Variants in DNAH9 observed in about 807,000 individuals in gnomAD.
DNAH9 encodes the protein DNAH9 variant protein.
In DNAH9, 345 loss-of-function variants were observed where a neutral mutation model predicts 471.6. The observed-to-expected ratio is 0.73, with a 90% CI of 0.67 to 0.80. The LOEUF (loss-of-function observed/expected upper bound fraction) is 0.80. DNAH9 is among the 30% of genes least tolerant of loss of function. The probability of loss-of-function intolerance (pLI) is 0.00; values close to 1 mark genes in which losing one functional copy is unlikely to be tolerated. For missense variants in DNAH9, 5,407 were observed against 5,609.2 expected (o/e 0.96, Z 1.15); for synonymous variants, 2,093 against 2,123.6 (o/e 0.99, Z 0.40).
chr17:11,802,700 T>C (rs1321550568), intron 43 of DNAH9, among the ~76,000 whole-genome samples: 4 of 150,774 alleles, frequency 2.7e-5, no homozygotes, highest in Non-Finnish European at 5.9e-5. Context: ...AAGGAGACTG[T>C]GTGTGTGCCC....
intron 35 of DNAH9, among the ~76,000 whole-genome samples, chr17:11,760,202 A>G (rs1479849038): frequency 6.6e-6 from 1 of 152,208 alleles, no homozygotes; most frequent in African/African-American, 2.4e-5. Context: ...TAGTGCTGCA[A>G]TAAACATAAG....
At position 11,823,272 on chromosome 17, in the gene DNAH9, C is replaced by T. The variant is rs144999433; in HGVS notation, c.9246+238C>T. 4.5e-4 allele frequency among the ~76,000 whole-genome samples: 69 copies of T among 152,266 alleles called. 1 individual carries two copies. Among genetic ancestry groups the T allele is most frequent in the African/African-American group, 1.5e-3 (64 of 41,566 alleles). ...TCCTTGTCCATAGTAACAGTATCCT[C>T]ACCATCAGAAACAGTACCAAAAGTT... On this transcript the variant is annotated intron_variant, in intron 48 of 68. Transcript: ENST00000262442.
At chr17:11,733,426 C>T (rs968413489) in intron 28 of DNAH9, among the ~76,000 whole-genome samples, 1 of 152,220 alleles carries the variant, frequency 6.6e-6, no homozygotes, top group African/African-American at 2.4e-5. Flanking sequence ...CTGTGATCAG[C>T]AGCTTCCAGT....
intron 26 of DNAH9, among the ~76,000 whole-genome samples, chr17:11,706,887 A>T (rs1040204026): frequency 2.0e-5 from 3 of 152,218 alleles, no homozygotes; most frequent in African/African-American, 4.8e-5. Flanking sequence ...TTCCTGGAAG[A>T]GGGAGTTCCG....
At chr17:11,768,989 C>A in intron 37 of DNAH9, 133 bp from the exon 38 acceptor site, 1 of 904,888 alleles carries the variant, frequency 1.1e-6, no homozygotes, top group Non-Finnish European at 1.7e-6. Flanking sequence ...AGGGAAGATA[C>A]TCCTGACCGG....
At chr17:11,948,196 G>C (rs1343881264) in intron 67 of DNAH9, among the ~76,000 whole-genome samples, 3 of 150,464 alleles carry the variant, frequency 2.0e-5, no homozygotes, top group Non-Finnish European at 2.9e-5. Context: ...TTAAAGTCTG[G>C]CTTGCTGACT....
intron 41 of DNAH9, among the ~76,000 whole-genome samples, chr17:11,784,879 G>GAA (rs113090260): frequency 6.6e-6 from 1 of 151,814 alleles, no homozygotes; most frequent in African/African-American, 2.4e-5. Context: ...AAGAAAGAAA[G>GAA]AAAACTATTT....
intron 3 of DNAH9, among the ~76,000 whole-genome samples, chr17:11,611,082 C>T (rs947427340): frequency 2.1e-5 from 3 of 142,534 alleles, no homozygotes; most frequent in Non-Finnish European, 4.6e-5. Flanking sequence ...GCTTATTTGC[C>T]CTCCTCCTCC....
At chr17:11,732,454 C>A (rs1160367156) in intron 28 of DNAH9, among the ~76,000 whole-genome samples, 1 of 152,016 alleles carries the variant, frequency 6.6e-6, no homozygotes, top group Non-Finnish European at 1.5e-5. Flanking sequence ...CAGCTGCTGA[C>A]AGTTCTCCAC....
At chr17:11,703,693 A>T in intron 24 of DNAH9, among the ~76,000 whole-genome samples, 1 of 152,264 alleles carries the variant, frequency 6.6e-6, no homozygotes, top group East Asian at 1.9e-4. Flanking sequence ...ACTTAAAAAT[A>T]GGCACTTTAA....
chr17:11,647,176 T>G lies in DNAH9; in HGVS notation c.2075T>G (p.Ile692Ser). The change falls in exon 12 of 69, where the codon ATC (isoleucine) becomes AGC (serine). Residue 692 changes from isoleucine to serine, a missense_variant. Physicochemically the swap from Ile to Ser is moderately radical, Grantham distance 142. Transcript: ENST00000262442. ...AAACGTGACCCAGAGACGAAGGAGA[T>G]CACTATCAACTTTAACCCACAGGTC... ...LLKRDPETKE[I>S]TINFNPQLIS... The G allele has an allele frequency of 2.5e-6, 4 of 1,614,040 alleles. No individual in the cohort carries two copies. The highest frequency in any genetic ancestry group is 1.7e-5 in the Admixed American group (1 of 60,020).
At chr17:11,778,355 A>AAAAAAAAAAAAAAG (rs1968536113) in intron 38 of DNAH9, among the ~76,000 whole-genome samples, 1 of 138,150 alleles carries the variant, frequency 7.2e-6, no homozygotes, top group Non-Finnish European at 1.6e-5. Flanking sequence ...AAAAAAAAAA[A>AAAAAAAAAAAAAAG]AAAAAAAGAA....
At chr17:11,755,267 C>G (rs1487846773) in intron 33 of DNAH9, among the ~76,000 whole-genome samples, 2 of 152,042 alleles carry the variant, frequency 1.3e-5, no homozygotes, top group African/African-American at 4.8e-5. Flanking sequence ...ATGCCTCCAG[C>G]TTTGTTTTTT....
chr17:11,822,204 G>GT (rs1433075410), intron 46 of DNAH9, 142 bp downstream of exon 46: 55 of 1,094,984 alleles, frequency 5.0e-5, no homozygotes, highest in Non-Finnish European at 6.8e-5. Context: ...CCTGAGCACA[G>GT]TTGCCAGGAC....
intron 26 of DNAH9, among the ~76,000 whole-genome samples, chr17:11,715,805 G>A (rs1024737933): frequency 1.3e-5 from 2 of 152,058 alleles, no homozygotes; most frequent in East Asian, 3.9e-4. Context: ...TGAGTCTCAC[G>A]GACACTTCAT....
chr17:11,822,851 T>C lies in DNAH9; in HGVS notation c.9063T>C (p.Ser3021=). Residue 3021 remains serine, a synonymous_variant, in exon 48 of 69, where the codon AGT becomes AGC. Coordinates refer to ENST00000262442, the MANE Select transcript of DNAH9 (RefSeq NM_001372.4). ...ISKFMAFVHT[S]VNQTSQSYLS... is the part of the protein sequence containing the mutation. ...AATTCATGGCCTTTGTCCACACAAG[T>C]GTCAACCAAACATCCCAGTCTTATC... 1.9e-6 allele frequency: 3 copies of C among 1,614,220 alleles called. No homozygotes were observed. Among genetic ancestry groups the C allele is most frequent in the Admixed American group, 1.7e-5 (1 of 60,024 alleles).
At chr17:11,951,952 T>C (rs978435072) in intron 67 of DNAH9, among the ~76,000 whole-genome samples, 1 of 151,900 alleles carries the variant, frequency 6.6e-6, no homozygotes, top group Non-Finnish European at 1.5e-5. Flanking sequence ...AATTAAAAAT[T>C]CAGTTCCTTT....
intron 49 of DNAH9, among the ~76,000 whole-genome samples, chr17:11,852,322 A>C (rs1322863002): frequency 3.9e-5 from 6 of 152,176 alleles, no homozygotes; most frequent in Admixed American, 2.0e-4. Context: ...CACTGCCCTA[A>C]TAGGAAGTGG....
intron 48 of DNAH9, 32 bp downstream of exon 48, chr17:11,823,066 G>C (rs1351789881): frequency 1.9e-6 from 3 of 1,561,970 alleles, no homozygotes; most frequent in Middle Eastern, 1.7e-4. Context: ...CCACCTGCAG[G>C]GGACTTGGAG....
Sources: gnomAD v4.1 joint callset for allele counts (sites outside exome capture counted in the v4.1 genomes callset) on GRCh38, gnomAD v4.1.1 for gene constraint, MANE v1.5 for transcripts, NCBI Gene and HGNC (gene_info 2026-07-23, HGNC 2026-07-21) for gene names.